Variants in C10orf90 observed in about 807,000 individuals in gnomAD.
C10orf90 encodes the protein chromosome 10 open reading frame 90.
In C10orf90, 56 loss-of-function variants were observed where a neutral mutation model predicts 62.5. The observed-to-expected ratio is 0.90, with a 90% CI of 0.72 to 1.12. The LOEUF (loss-of-function observed/expected upper bound fraction) is 1.12, where lower values mean the gene tolerates loss of function less well. Among genes scored for constraint, C10orf90 ranks in the 50% most tolerant of loss-of-function variants. The pLI is 0.00. For synonymous variants in C10orf90, 386 were observed against 340.4 expected, an observed-to-expected ratio of 1.13 and a Z score of -1.47; for missense variants, 970 against 880.4, an observed-to-expected ratio of 1.10 and a Z score of -1.29.
intron 7 of C10orf90, among the ~76,000 whole-genome samples, chr10:126,436,242 G>A (rs1282092212): frequency 6.6e-6 from 1 of 152,162 alleles, no homozygotes; most frequent in Admixed American, 6.6e-5. Context: ...CCCAAAACAT[G>A]CATTTCCTCC....
At chr10:126,452,011 A>G (rs767156423) in intron 7 of C10orf90, among the ~76,000 whole-genome samples, 18 of 152,196 alleles carry the variant, frequency 1.2e-4, no homozygotes, top group Non-Finnish European at 1.5e-4. Flanking sequence ...ACTGTAGAGC[A>G]TGGTGACTAT....
At chr10:126,442,617 C>G (rs1424990271) in intron 7 of C10orf90, among the ~76,000 whole-genome samples, 2 of 106,806 alleles carry the variant, frequency 1.9e-5, no homozygotes, top group Admixed American at 2.1e-4. Flanking sequence ...AAGTTCCCTA[C>G]TATTATTGTG....
intron 2 of C10orf90, among the ~76,000 whole-genome samples, chr10:126,559,150 C>T (rs1864845956): frequency 6.6e-6 from 1 of 152,246 alleles, no homozygotes; most frequent in Non-Finnish European, 1.5e-5. Flanking sequence ...TTTACAACCA[C>T]ATTTATCCTC....
intron 2 of C10orf90, among the ~76,000 whole-genome samples, chr10:126,552,093 T>C (rs1205918289): frequency 1.3e-5 from 2 of 152,162 alleles, no homozygotes; most frequent in African/African-American, 2.4e-5. Flanking sequence ...TAAGAAGTGA[T>C]TGGTAAAGTT....
intron 2 of C10orf90, among the ~76,000 whole-genome samples, chr10:126,606,580 G>A (rs993966698): frequency 2.0e-5 from 3 of 152,120 alleles, no homozygotes; most frequent in South Asian, 2.1e-4. Context: ...AAAGGTACAG[G>A]CATTCCATCT....
intron 2 of C10orf90, among the ~76,000 whole-genome samples, chr10:126,565,351 TATATA>T (rs1402510699): frequency 1.4e-5 from 1 of 71,808 alleles, no homozygotes; most frequent in Non-Finnish European, 2.5e-5. Flanking sequence ...TAATATATAA[TATATA>T]ATATATATTA....
rs1403098094 is a variant in C10orf90 at position 126,657,643 on chromosome 10, T to C, written c.241-11006A>G. Among the ~76,000 whole-genome samples, 3 of 151,460 alleles carry C rather than the reference T, an allele frequency of 2.0e-5. No individual in the cohort carries two copies. The East Asian group carries it at 5.8e-4, about 29-fold the overall frequency. ...TTCTTTTTTTTTTTTGAGACAGAGTTTCACTCATGTTGCCCAGGCTAGAGT... is the reference window on the plus strand; with the variant it reads ...TTCTTTTTTTTTTTTGAGACAGAGTCTCACTCATGTTGCCCAGGCTAGAGT... On this transcript the variant is annotated intron_variant, in intron 1 of 9. Coordinates refer to ENST00000488181, the MANE Select transcript of C10orf90 (RefSeq NM_001350921.2).
At chr10:126,549,926 T>A (rs1197222548) in intron 2 of C10orf90, among the ~76,000 whole-genome samples, 1 of 151,472 alleles carries the variant, frequency 6.6e-6, no homozygotes, top group Non-Finnish European at 1.5e-5. Flanking sequence ...GAAGGATACA[T>A]GCTACATGCT....
At chr10:126,517,639 C>T (rs1863510158) in intron 2 of C10orf90, among the ~76,000 whole-genome samples, 1 of 152,152 alleles carries the variant, frequency 6.6e-6, no homozygotes, top group Admixed American at 6.5e-5. Flanking sequence ...GGGCCAGGGG[C>T]AGTGGCTCAC....
In C10orf90 at chr10:126,560,073, G is replaced by A. The variant is rs79565054; in HGVS notation, c.314-46134C>T. 1.4e-3 allele frequency among the ~76,000 whole-genome samples: 208 copies of A among 152,258 alleles called. 3 individuals are homozygous for A. The East Asian group carries it at 0.031, about 22-fold the overall frequency. ...GCTGCCTGAAGGTTATACATTTTCA[G>A]TTTATAATATCTGCTCTTAACAATA... On this transcript the variant is annotated intron_variant, in intron 2 of 9. Coordinates refer to ENST00000488181, the MANE Select transcript of C10orf90 (RefSeq NM_001350921.2).
At position 126,582,494 on chromosome 10, in the gene C10orf90, C is replaced by T. The variant is rs575140941; in HGVS notation, c.313+64071G>A. 1.3e-4 allele frequency among the ~76,000 whole-genome samples: 20 copies of T among 152,270 alleles called. No individual in the cohort carries two copies. In the South Asian group the frequency reaches 3.9e-3, roughly 30 times the overall value. On this transcript the variant is annotated intron_variant, in intron 2 of 9. Coordinates refer to ENST00000488181, the MANE Select transcript of C10orf90 (RefSeq NM_001350921.2). ...TATCTGCAACCTGCTGAGACACCAG[C>T]GTTCACTGTGAAAATGTCGGCTGTG... is the stretch of plus-strand genomic sequence containing the variant.
At chr10:126,552,629 G>A (rs1015829702) in intron 2 of C10orf90, among the ~76,000 whole-genome samples, 4 of 152,218 alleles carry the variant, frequency 2.6e-5, no homozygotes, top group African/African-American at 9.6e-5. Flanking sequence ...CCTGCAGCCC[G>A]ATCGTGTGGC....
intron 1 of C10orf90, among the ~76,000 whole-genome samples, chr10:126,659,853 C>T (rs991409660): frequency 8.5e-5 from 13 of 152,228 alleles, no homozygotes; most frequent in African/African-American, 3.1e-4. Context: ...AACCATCATG[C>T]ACCCTGGCCC....
chr10:126,551,897 A>G (rs1164739611), intron 2 of C10orf90, among the ~76,000 whole-genome samples: 1 of 152,216 alleles, frequency 6.6e-6, no homozygotes, highest in Non-Finnish European at 1.5e-5. Flanking sequence ...AACTGAATTC[A>G]TTTGCTAGAA....
intron 2 of C10orf90, among the ~76,000 whole-genome samples, chr10:126,531,043 G>A (rs1387088089): frequency 2.0e-5 from 3 of 151,720 alleles, no homozygotes; most frequent in African/African-American, 4.8e-5. Flanking sequence ...GTGTGGTGGC[G>A]GGTGCCTGTA....
chr10:126,606,818 C>A (rs1845321984), intron 2 of C10orf90, among the ~76,000 whole-genome samples: 1 of 152,150 alleles, frequency 6.6e-6, no homozygotes, highest in Non-Finnish European at 1.5e-5. Flanking sequence ...ATTATTCCTG[C>A]ATTGCTGGAC....
At chr10:126,606,014 A>G (rs1228043593) in intron 2 of C10orf90, among the ~76,000 whole-genome samples, 2 of 152,228 alleles carry the variant, frequency 1.3e-5, no homozygotes, top group Non-Finnish European at 2.9e-5. Context: ...TGAGATTCAA[A>G]TTAGTAGCCT....
chr10:126,590,847 AATG>A (rs1423748867), intron 2 of C10orf90, among the ~76,000 whole-genome samples: 2 of 152,204 alleles, frequency 1.3e-5, no homozygotes, highest in Non-Finnish European at 2.9e-5. Flanking sequence ...CACAATCAGA[AATG>A]ATAAGGGGAA....
intron 2 of C10orf90, among the ~76,000 whole-genome samples, chr10:126,552,038 AG>A (rs1591090776): frequency 1.3e-5 from 2 of 152,230 alleles, no homozygotes; most frequent in East Asian, 3.9e-4. Context: ...AGTACCTAGA[AG>A]AACTAGGTTG....
Sources: gnomAD v4.1 joint callset for allele counts (sites outside exome capture counted in the v4.1 genomes callset) on GRCh38, gnomAD v4.1.1 for gene constraint, MANE v1.5 for transcripts, NCBI Gene and HGNC (gene_info 2026-07-23, HGNC 2026-07-21) for gene names.